PDLIM1: variants seen among roughly 807,000 people sequenced by gnomAD.
The protein encoded by PDLIM1 is PDZ and LIM domain 1.
Under a neutral mutation model 35.2 loss-of-function variants are expected in PDLIM1, and 25 were observed. The observed-to-expected ratio is 0.71, with a 90% CI of 0.52 to 0.99. The LOEUF is 0.99. Ranked by LOEUF, PDLIM1 falls within the 50% of genes least tolerant of loss-of-function variation. The probability of loss-of-function intolerance (pLI) is 0.00; values close to 1 mark genes in which losing one functional copy is unlikely to be tolerated. For synonymous variants in PDLIM1, 152 were observed against 154.0 expected, an observed-to-expected ratio of 0.99 and a Z score of 0.10; for missense variants, 363 against 415.3, an observed-to-expected ratio of 0.87 and a Z score of 1.09.
chr10:95,271,798 G>T lies in PDLIM1; in HGVS notation c.97-14C>A. 2 of 1,604,034 alleles carry T rather than the reference G, an allele frequency of 1.2e-6. No homozygotes were observed. Among genetic ancestry groups the T allele is most frequent in the Middle Eastern group, 3.3e-4 (2 of 6,046 alleles). On this transcript the variant is annotated splice_polypyrimidine_tract_variant and intron_variant, in intron 1 of 6. Transcript: ENST00000329399. ...TCCAGGAGTGACCTAGAAAAAAAGG[G>T]GAAAGCAGGCTAGTTACTATTTGTC...
chr10:95,264,382 T>G (rs2035394603), intron 3 of PDLIM1, among the ~76,000 whole-genome samples: 1 of 152,224 alleles, frequency 6.6e-6, no homozygotes, highest in African/African-American at 2.4e-5. Flanking sequence ...GGCTGTAAGA[T>G]TCAAGTCAGA....
chr10:95,265,494 C>G (rs1288425006), intron 3 of PDLIM1, among the ~76,000 whole-genome samples: 1 of 145,616 alleles, frequency 6.9e-6, no homozygotes, highest in Non-Finnish European at 1.5e-5. Context: ...ACTCGGGAGG[C>G]TGAGGCAGGA....
intron 4 of PDLIM1, among the ~76,000 whole-genome samples, chr10:95,257,919 G>A (rs994455738): frequency 6.6e-6 from 1 of 152,170 alleles, no homozygotes; most frequent in Non-Finnish European, 1.5e-5. Context: ...ATGTGTATTC[G>A]TGTGTTTTCA....
At chr10:95,274,974 G>A (rs2035498924) in intron 1 of PDLIM1, among the ~76,000 whole-genome samples, 1 of 152,136 alleles carries the variant, frequency 6.6e-6, no homozygotes, top group Non-Finnish European at 1.5e-5. Context: ...GATGAGAGGG[G>A]CCTGAATTCT....
At chr10:95,289,292 A>C (rs2035630962) in intron 1 of PDLIM1, among the ~76,000 whole-genome samples, 1 of 152,186 alleles carries the variant, frequency 6.6e-6, no homozygotes, top group Non-Finnish European at 1.5e-5. Flanking sequence ...GCCTGCAAGG[A>C]TTTACCCAGC....
intron 1 of PDLIM1, among the ~76,000 whole-genome samples, chr10:95,285,487 A>T (rs979695362): frequency 7.2e-5 from 11 of 152,288 alleles, no homozygotes; most frequent in African/African-American, 1.9e-4. Flanking sequence ...GCTGGCCTGG[A>T]AGTGAGTCTG....
chr10:95,246,227 G>A (rs1239099931), intron 5 of PDLIM1, among the ~76,000 whole-genome samples: 2 of 152,230 alleles, frequency 1.3e-5, no homozygotes, highest in African/African-American at 4.8e-5. Context: ...AGGTGCTGAT[G>A]AGGAACTACC....
chr10:95,270,545 A>G (rs1182389042), intron 2 of PDLIM1, among the ~76,000 whole-genome samples: 1 of 152,192 alleles, frequency 6.6e-6, no homozygotes, highest in Non-Finnish European at 1.5e-5. Flanking sequence ...CCAAGGCTAA[A>G]TGAAAGAAGA....
In PDLIM1 at chr10:95,256,977, A is replaced by G. The variant is rs201653087; in HGVS notation, c.533+6887T>C. ...GCAACAGAATGAGACTTCATCTTAA[A>G]AAAAAAAAAAAAGAAAGAAAGAAAG... is the stretch of plus-strand genomic sequence containing the variant. On this transcript the variant is annotated intron_variant, in intron 4 of 6. Transcript: ENST00000329399. Among the ~76,000 whole-genome samples the G allele has an allele frequency of 4.1e-3, 413 of 99,930 alleles. 13 individuals carry two copies. Among genetic ancestry groups the G allele is most frequent in the Admixed American group, 6.5e-3 (58 of 8,912 alleles). The allele number at this position is 99,930 out of a possible 152,430, so 65.6% of individuals were successfully genotyped here.
At chr10:95,264,092 A>AG (rs775498351) in intron 3 of PDLIM1, 29 bp from the exon 4 acceptor site, 50 of 1,597,784 alleles carry the variant, frequency 3.1e-5, no homozygotes, top group Middle Eastern at 1.9e-4. Context: ...GGAGAAATCA[A>AG]GGGGGGCATC....
Position 95,247,239 on chromosome 10 carries a change from C to G in PDLIM1, c.661G>C (p.Glu221Gln), listed in dbSNP as rs747768145. The change falls in exon 5 of 7, where the codon GAA becomes CAA. Residue 221 changes from glutamate (E) to glutamine (Q), a missense_variant. Glu to Gln is a conservative substitution (Grantham distance 29, BLOSUM62 2). Coordinates refer to ENST00000329399, the MANE Select transcript of PDLIM1 (RefSeq NM_020992.4). ...CCTTTTTCTTCAGACTCCAGGATTT[C>G]CTGCAAAACCAAGAAAGACGTGGAC... ...KQSTSFLVLQEILESEEKGDP... is the reference protein window; with the variant it reads ...KQSTSFLVLQQILESEEKGDP... The G allele has an allele frequency of 3.7e-6, 6 of 1,613,658 alleles. No individual in the cohort carries two copies. The highest frequency in any genetic ancestry group is 4.2e-6 in the Non-Finnish European group (5 of 1,179,922).
At position 95,250,780 on chromosome 10, in the gene PDLIM1, T is replaced by C. The variant is rs533658870; in HGVS notation, c.534-3414A>G. Among the ~76,000 whole-genome samples the C allele has an allele frequency of 6.8e-4, 104 of 152,350 alleles. 1 individual carries two copies. The highest frequency in any genetic ancestry group is 1.3e-3 in the Non-Finnish European group (89 of 68,032). ...ACGAGTTTAAGCAAATTCAACTACT[T>C]TGGAGTAACAATACGTTACACAAAG... On this transcript the variant is annotated intron_variant, in intron 4 of 6. Transcript: ENST00000329399.
At chr10:95,250,440 A>T (rs1417754068) in intron 4 of PDLIM1, among the ~76,000 whole-genome samples, 1 of 152,188 alleles carries the variant, frequency 6.6e-6, no homozygotes, top group Non-Finnish European at 1.5e-5. Context: ...CTCAATATCT[A>T]TTACCTTACT....
chr10:95,282,128 C>T (rs2035566215), intron 1 of PDLIM1, among the ~76,000 whole-genome samples: 1 of 152,216 alleles, frequency 6.6e-6, no homozygotes, highest in Admixed American at 6.5e-5. Context: ...AATCGCAATG[C>T]TACATGCCTT....
rs185740874 is a variant in PDLIM1 at position 95,289,494 on chromosome 10, G to A, written c.96+1326C>T. ...CTGGCCCGCCTACTCTTTTAGGGGG[G>A]TGAGATAGAGAAGACCTCCTCACTG... On this transcript the variant is annotated intron_variant, in intron 1 of 6. Transcript: ENST00000329399. Among the ~76,000 whole-genome samples the A allele has an allele frequency of 2.3e-3, 349 of 152,294 alleles. 1 individual carries two copies. Among genetic ancestry groups the A allele is most frequent in the African/African-American group, 7.8e-3 (326 of 41,546 alleles).
intron 1 of PDLIM1, among the ~76,000 whole-genome samples, chr10:95,278,144 C>T (rs1331792771): frequency 1.3e-5 from 2 of 152,316 alleles, no homozygotes; most frequent in African/African-American, 2.4e-5. Flanking sequence ...GACAGTGTAA[C>T]TTGTTCATTA....
At chr10:95,265,593 CAAAAAAAAA>C (rs56893525) in intron 3 of PDLIM1, among the ~76,000 whole-genome samples, 6 of 83,972 alleles carry the variant, frequency 7.1e-5, no homozygotes, top group African/African-American at 5.2e-5. Context: ...GGAACTCTGT[CAAAAAAAAA>C]AAAAAAAAAA....
chr10:95,248,558 T>C (rs539422657), intron 4 of PDLIM1, among the ~76,000 whole-genome samples: 2 of 152,356 alleles, frequency 1.3e-5, no homozygotes, highest in African/African-American at 4.8e-5. Context: ...TAGAATGATA[T>C]TTTAAACATG....
chr10:95,264,718 G>A (rs1359039969), intron 3 of PDLIM1, among the ~76,000 whole-genome samples: 2 of 152,088 alleles, frequency 1.3e-5, no homozygotes, highest in African/African-American at 4.8e-5. Flanking sequence ...CAGAGCTGCA[G>A]AAAAGGACTT....
Sources: gnomAD v4.1 joint callset for allele counts (sites outside exome capture counted in the v4.1 genomes callset) on GRCh38, gnomAD v4.1.1 for gene constraint, MANE v1.5 for transcripts, NCBI Gene and HGNC (gene_info 2026-07-23, HGNC 2026-07-21) for gene names.